The following PCBP3 variants were observed in gnomAD, a reference collection of about 807,000 sequenced individuals.
The protein encoded by PCBP3 is poly(rC)-binding protein 3.
PCBP3 carries 25 observed loss-of-function variants against 52.7 expected under a neutral mutation model. The ratio of observed to expected loss-of-function variants is 0.47; its 90% CI spans 0.35 to 0.66. The LOEUF is 0.66. PCBP3 is among the 30% of genes least tolerant of loss of function. The probability of loss-of-function intolerance (pLI) is 0.01; values close to 1 mark genes in which losing one functional copy is unlikely to be tolerated. For synonymous variants in PCBP3, 162 were observed against 183.0 expected (o/e 0.89, Z 0.93); for missense variants, 391 against 490.3 (o/e 0.80, Z 1.91).
intron 4 of PCBP3, chr21:45,759,835 A>T (rs138432228): frequency 1.3e-5 from 2 of 152,382 alleles, no homozygotes; most frequent in East Asian, 3.9e-4. Context: ...TAGACATATC[A>T]TGGTGAAACT....
At chr21:45,650,937 C>T (rs2079641345) in intron 1 of PCBP3, among the ~76,000 whole-genome samples, 1 of 152,118 alleles carries the variant, frequency 6.6e-6, no homozygotes, top group Non-Finnish European at 1.5e-5. Context: ...GTAGAATCTT[C>T]CTCATCCTGG....
chr21:45,928,657 C>A lies in PCBP3; in HGVS notation c.718-1260C>A, dbSNP rs1239821608. Reference sequence around the variant, plus strand: ...GCTCAGCAGCCGGCCTTCTCACGTGCAGATGGCAGCTCTGCTCCGAGCGCC... The same window carrying A: ...GCTCAGCAGCCGGCCTTCTCACGTGAAGATGGCAGCTCTGCTCCGAGCGCC... On this transcript the variant is annotated intron_variant, in intron 13 of 17. Transcript: ENST00000681687. This position sits in a 1 kb window ranked among gnomAD's most constrained non-coding sequence, Gnocchi z 4.1. 2.0e-5 allele frequency among the ~76,000 whole-genome samples: 3 copies of A among 152,096 alleles called. No individual in the cohort carries two copies. The highest frequency in any genetic ancestry group is 4.4e-5 in the Non-Finnish European group (3 of 68,000).
intron 4 of PCBP3, among the ~76,000 whole-genome samples, chr21:45,818,627 T>C (rs183680411): frequency 1.3e-3 from 205 of 152,364 alleles, no homozygotes; most frequent in African/African-American, 4.4e-3. Context: ...CTAAAATCTC[T>C]CTAACCGTGA....
At chr21:45,808,814 A>C (rs959951026) in intron 4 of PCBP3, among the ~76,000 whole-genome samples, 17 of 152,244 alleles carry the variant, frequency 1.1e-4, no homozygotes, top group African/African-American at 4.1e-4. Flanking sequence ...GATAGGCTGG[A>C]TAAAGAAAAC....
chr21:45,939,545 T>C (rs981330959), intron 16 of PCBP3, among the ~76,000 whole-genome samples: 3 of 152,254 alleles, frequency 2.0e-5, no homozygotes, highest in South Asian at 2.1e-4. Context: ...AGCTTTGCTG[T>C]GGCTTCAAGC....
At chr21:45,690,428 GATAAAA>G (rs905777213) in intron 2 of PCBP3, among the ~76,000 whole-genome samples, 16 of 151,810 alleles carry the variant, frequency 1.1e-4, no homozygotes, top group African/African-American at 2.7e-4. Flanking sequence ...TCAACAAATA[GATAAAA>G]ATAAAAATAA....
intron 5 of PCBP3, among the ~76,000 whole-genome samples, chr21:45,885,430 T>C (rs1232758652): frequency 6.6e-6 from 1 of 152,218 alleles, no homozygotes; most frequent in Non-Finnish European, 1.5e-5. Flanking sequence ...GTTTTTACTT[T>C]TTGCCAAATT....
In PCBP3 at chr21:45,929,993, C is replaced by T. The variant is rs2075964725; in HGVS notation, c.794C>T (p.Pro265Leu). 1.2e-6 allele frequency: 2 copies of T among 1,609,728 alleles called. No homozygotes were observed. Among genetic ancestry groups the T allele is most frequent in the Admixed American group, 3.3e-5 (2 of 59,996 alleles). Residue 265 changes from proline to leucine, a missense_variant and splice_region_variant, in exon 14 of 18, where the codon CCC becomes CTC. Transcript: ENST00000681687. ...PPLGQTNPAF[P>L]GEKLPLHSSE... ...CTCGGACAGACCAACCCCGCTTTCC[C>T]CGGTACGTACCCAGCCCTTTTCTCA...
At chr21:45,799,331 C>T (rs2092189376) in intron 4 of PCBP3, among the ~76,000 whole-genome samples, 1 of 152,184 alleles carries the variant, frequency 6.6e-6, no homozygotes, top group Non-Finnish European at 1.5e-5. Context: ...GTTTCACTTT[C>T]TGTGATTTCA....
At chr21:45,726,199 G>A (rs143543076) in intron 2 of PCBP3, among the ~76,000 whole-genome samples, 6 of 152,230 alleles carry the variant, frequency 3.9e-5, no homozygotes, top group Non-Finnish European at 7.4e-5. Flanking sequence ...AAGGTAGGAG[G>A]GGTTAAGGAT....
chr21:45,939,276 T>C (rs560909287), intron 16 of PCBP3, among the ~76,000 whole-genome samples: 9 of 152,334 alleles, frequency 5.9e-5, no homozygotes, highest in Admixed American at 2.0e-4. Context: ...ATGGTGGGCA[T>C]TGAGAGATGC....
intron 2 of PCBP3, among the ~76,000 whole-genome samples, chr21:45,677,519 T>C (rs2081543800): frequency 6.6e-6 from 1 of 152,198 alleles, no homozygotes; most frequent in South Asian, 2.1e-4. Flanking sequence ...CCAGAATATG[T>C]AAGAGAATAG....
At chr21:45,789,831 T>TG (rs1192335741) in intron 4 of PCBP3, among the ~76,000 whole-genome samples, 1 of 152,136 alleles carries the variant, frequency 6.6e-6, no homozygotes, top group African/African-American at 2.4e-5. Flanking sequence ...CAAATCGCTC[T>TG]GGTGTCTGGG....
At chr21:45,847,162 T>G (rs960427847) in intron 4 of PCBP3, among the ~76,000 whole-genome samples, 1 of 152,234 alleles carries the variant, frequency 6.6e-6, no homozygotes, top group East Asian at 1.9e-4. Context: ...CTGGCTACTG[T>G]TATAAATAAC....
chr21:45,886,080 G>C (rs895795439), intron 5 of PCBP3, among the ~76,000 whole-genome samples: 1 of 152,118 alleles, frequency 6.6e-6, no homozygotes, highest in Non-Finnish European at 1.5e-5. Flanking sequence ...TGGTACCAAG[G>C]GCAGAGGACG....
intron 9 of PCBP3, among the ~76,000 whole-genome samples, chr21:45,903,237 T>C (rs957388448): frequency 6.6e-5 from 10 of 152,124 alleles, no homozygotes; most frequent in Non-Finnish European, 1.5e-4. Flanking sequence ...CCAGCTTCAG[T>C]TGGGACCTGT....
intron 10 of PCBP3, 74 bp downstream of exon 10, chr21:45,909,560 A>G: frequency 7.0e-7 from 1 of 1,436,060 alleles, no homozygotes; most frequent in Non-Finnish European, 9.5e-7. Context: ...CAGGCCAGGC[A>G]GCCTTCCTGA....
chr21:45,646,105 CTCTGTGTGTGTG>C (rs1203144600), intron 1 of PCBP3, among the ~76,000 whole-genome samples: 14 of 92,974 alleles, frequency 1.5e-4, no homozygotes, highest in African/African-American at 4.7e-4. Context: ...CTCTCTCTCT[CTCTGTGTGTGTG>C]TGTGTGTGTG....
chr21:45,686,763 ACT>A (rs2147687243), intron 2 of PCBP3, among the ~76,000 whole-genome samples: 1 of 152,306 alleles, frequency 6.6e-6, no homozygotes, highest in East Asian at 1.9e-4. Context: ...AGAAATGAAA[ACT>A]TTAATAAATG....
Sources: gnomAD v4.1 joint callset for allele counts (sites outside exome capture counted in the v4.1 genomes callset) on GRCh38, gnomAD v4.1.1 for gene constraint, Gnocchi (gnomAD v3.1) non-coding constraint, MANE v1.5 for transcripts, NCBI Gene and HGNC (gene_info 2026-07-23, HGNC 2026-07-21) for gene names.